Variants in CSMD3 observed in about 807,000 individuals in gnomAD.
CSMD3 encodes CUB and Sushi multiple domains 3, also known as CUB and sushi domain-containing protein 3.
A neutral mutation model predicts 435.2 loss-of-function variants in CSMD3; 177 were observed. The observed-to-expected ratio is 0.41, with a 90% CI of 0.36 to 0.46. CSMD3 has a LOEUF of 0.46. CSMD3 is among the 20% of genes least tolerant of loss of function. The pLI is 0.34. For synonymous variants in CSMD3, 1,656 were observed against 1,520.5 expected, an observed-to-expected ratio of 1.09 and a Z score of -2.07; for missense variants, 4,265 against 4,504.6, an observed-to-expected ratio of 0.95 and a Z score of 1.52.
Position 112,735,504 on chromosome 8 carries a change from C to A in CSMD3, c.1973-45454G>T, listed in dbSNP as rs554443734. ...ACCCAGTTATCTTAGTTTTATTTGA[C>A]AAACTTATAATTTTATGTTCCAGTA... On this transcript the variant is annotated intron_variant, in intron 13 of 70. Transcript: ENST00000297405. 3.0e-4 allele frequency among the ~76,000 whole-genome samples: 45 copies of A among 152,096 alleles called. 1 individual carries two copies. The South Asian group carries it at 8.7e-3, about 29-fold the overall frequency.
chr8:113,333,908 T>C (rs12548951), intron 1 of CSMD3, among the ~76,000 whole-genome samples: 1 of 151,580 alleles, frequency 6.6e-6, no homozygotes, highest in Non-Finnish European at 1.5e-5. Context: ...GAGCTCAGCA[T>C]GTCTCTCCAT....
At chr8:113,149,844 G>A (rs2091764883) in intron 4 of CSMD3, among the ~76,000 whole-genome samples, 1 of 151,934 alleles carries the variant, frequency 6.6e-6, no homozygotes, top group African/African-American at 2.4e-5. Flanking sequence ...AATAGCAAAT[G>A]CATGCCATCA....
At chr8:112,486,410 C>T (rs1359013641) in intron 31 of CSMD3, among the ~76,000 whole-genome samples, 4 of 152,098 alleles carry the variant, frequency 2.6e-5, no homozygotes, top group East Asian at 3.9e-4. Context: ...TCTTGGTTTC[C>T]TCATCTATAA....
intron 37 of CSMD3, among the ~76,000 whole-genome samples, chr8:112,380,962 C>G (rs963826686): frequency 6.6e-6 from 1 of 151,978 alleles, no homozygotes; most frequent in African/African-American, 2.4e-5. Flanking sequence ...AAAGTGATAA[C>G]CAGTTTTAAC....
At chr8:112,779,637 T>A (rs570424522) in intron 13 of CSMD3, among the ~76,000 whole-genome samples, 4 of 152,052 alleles carry the variant, frequency 2.6e-5, no homozygotes, top group Non-Finnish European at 5.9e-5. Context: ...AAAGTGTCCA[T>A]CAAATGATGC....
intron 1 of CSMD3, among the ~76,000 whole-genome samples, chr8:113,430,655 G>T (rs1475311741): frequency 1.3e-5 from 2 of 152,138 alleles, no homozygotes; most frequent in African/African-American, 4.8e-5. Context: ...GAGGATGCTG[G>T]TACTACTTGT....
chr8:113,001,126 CTT>C (rs1375911201), intron 6 of CSMD3, among the ~76,000 whole-genome samples: 1 of 151,982 alleles, frequency 6.6e-6, no homozygotes, highest in Non-Finnish European at 1.5e-5. Flanking sequence ...AGGCAATCGT[CTT>C]TTCTCACCAG....
chr8:112,540,000 T>C (rs1826508495), intron 27 of CSMD3, among the ~76,000 whole-genome samples: 1 of 151,964 alleles, frequency 6.6e-6, no homozygotes, highest in South Asian at 2.1e-4. Context: ...TAACTGCCCA[T>C]CTGACAAGGG....
intron 49 of CSMD3, among the ~76,000 whole-genome samples, chr8:112,312,544 C>A (rs1822086218): frequency 6.6e-6 from 1 of 152,104 alleles, no homozygotes; most frequent in Non-Finnish European, 1.5e-5. Flanking sequence ...GTGTGAGCCA[C>A]CGCGCCTGGC....
Position 113,150,150 on chromosome 8 carries a change from T to C in CSMD3, c.709+23572A>G, listed in dbSNP as rs1221936669. ...GCATACTCTACAGAGATATACACTT[T>C]TGTATAATCCACTCCTTGAGTGTGA... On this transcript the variant is annotated intron_variant, in intron 4 of 70. Coordinates refer to ENST00000297405, the MANE Select transcript of CSMD3 (RefSeq NM_198123.2). Among the ~76,000 whole-genome samples, 3 of 152,036 alleles carry C rather than the reference T, an allele frequency of 2.0e-5. No individual in the cohort carries two copies. In the East Asian group the frequency reaches 5.8e-4, roughly 29 times the overall value.
At chr8:112,405,183 C>CAAAAAAA (rs1274747452) in intron 35 of CSMD3, among the ~76,000 whole-genome samples, 82 of 6,762 alleles carry the variant, frequency 0.012, 22 homozygotes, top group Non-Finnish European at 0.016. Context: ...GACTCTCTCT[C>CAAAAAAA]AAAAAAAAAA....
At chr8:113,152,639 T>C (rs1374555711) in intron 4 of CSMD3, among the ~76,000 whole-genome samples, 1 of 152,054 alleles carries the variant, frequency 6.6e-6, no homozygotes. Flanking sequence ...GCATGCATTT[T>C]TTTCTCTAGG....
At chr8:113,109,514 C>G (rs542972810) in intron 4 of CSMD3, among the ~76,000 whole-genome samples, 2 of 152,192 alleles carry the variant, frequency 1.3e-5, no homozygotes, top group African/African-American at 2.4e-5. Flanking sequence ...AAAGGGGTAA[C>G]AAGTAAGACT....
intron 1 of CSMD3, among the ~76,000 whole-genome samples, chr8:113,338,775 G>C (rs149860059): frequency 4.6e-5 from 7 of 151,926 alleles, no homozygotes; most frequent in African/African-American, 1.7e-4. Context: ...TTTTTCTTTA[G>C]AATAATGTTC....
chr8:112,388,729 T>C (rs1830168252), intron 36 of CSMD3, among the ~76,000 whole-genome samples: 1 of 152,194 alleles, frequency 6.6e-6, no homozygotes, highest in African/African-American at 2.4e-5. Context: ...ATGTCATCAT[T>C]TATTCAGTCC....
intron 10 of CSMD3, among the ~76,000 whole-genome samples, chr8:112,874,532 C>T (rs921534717): frequency 7.2e-5 from 11 of 151,790 alleles, no homozygotes; most frequent in East Asian, 1.9e-4. Flanking sequence ...ATTGTGTGGG[C>T]GTCTAAGTTT....
intron 22 of CSMD3, among the ~76,000 whole-genome samples, chr8:112,603,384 T>C (rs2131428266): frequency 6.6e-6 from 1 of 152,356 alleles, no homozygotes; most frequent in South Asian, 2.1e-4. Context: ...TGGAGATGAC[T>C]GATGCTACAT....
At chr8:113,122,901 T>C (rs2131641815) in intron 4 of CSMD3, among the ~76,000 whole-genome samples, 1 of 152,150 alleles carries the variant, frequency 6.6e-6, no homozygotes, top group South Asian at 2.1e-4. Context: ...TCTTAATTAT[T>C]TTGAAATATT....
intron 2 of CSMD3, among the ~76,000 whole-genome samples, chr8:113,301,285 A>C (rs2093764774): frequency 6.6e-6 from 1 of 152,114 alleles, no homozygotes; most frequent in Non-Finnish European, 1.5e-5. Context: ...AGACTTATAT[A>C]TTATTATGAA....
Sources: gnomAD v4.1 joint callset for allele counts (sites outside exome capture counted in the v4.1 genomes callset) on GRCh38, gnomAD v4.1.1 for gene constraint, MANE v1.5 for transcripts, NCBI Gene and HGNC (gene_info 2026-07-23, HGNC 2026-07-21) for gene names.